The following SLC35D1 variants were observed in gnomAD, a reference collection of about 807,000 sequenced individuals.
SLC35D1 encodes nucleotide sugar transporter SLC35D1.
SLC35D1 carries 31 observed loss-of-function variants against 46.7 expected under a neutral mutation model. That is an observed-to-expected ratio of 0.66 (90% confidence interval 0.50 to 0.90). The LOEUF (loss-of-function observed/expected upper bound fraction) is 0.90. SLC35D1 is among the 40% of genes least tolerant of loss of function. The pLI, the probability that SLC35D1 is intolerant of heterozygous loss-of-function variation, is 0.00. For synonymous variants in SLC35D1, 195 were observed against 164.6 expected (o/e 1.18, Z -1.41); for missense variants, 397 against 426.2 (o/e 0.93, Z 0.60).
downstream of SLC35D1, among the ~76,000 whole-genome samples, chr1:66,997,515 A>T (rs1349124504): frequency 3.6e-5 from 1 of 28,060 alleles, no homozygotes; most frequent in Non-Finnish European, 9.1e-5. Flanking sequence ...AAAAAAAAAA[A>T]AAAAATATAT....
At chr1:66,974,239 A>G in the SLC35D1 span, among the ~76,000 whole-genome samples, 1 of 152,150 alleles carries the variant, frequency 6.6e-6, no homozygotes, top group South Asian at 2.1e-4. Flanking sequence ...AGGATAACTT[A>G]GAAGACAATG....
the SLC35D1 span, chr1:66,984,578 C>A: frequency 1.3e-6 from 2 of 1,584,608 alleles, no homozygotes; most frequent in South Asian, 2.3e-5. Flanking sequence ...TTAGGAGTGT[C>A]ATCTAATGGA....
chr1:67,020,286 A>C, intron 10 of SLC35D1, 83 bp downstream of exon 10: 1 of 878,572 alleles, frequency 1.1e-6, no homozygotes, highest in African/African-American at 1.6e-5. Context: ...TTTGGGTCTT[A>C]AGGCCATCAA....
At chr1:67,044,385 A>G (rs376123795) in intron 7 of SLC35D1, among the ~76,000 whole-genome samples, 1 of 152,132 alleles carries the variant, frequency 6.6e-6, no homozygotes. Context: ...TGATTAGACT[A>G]TAACTAGCTA....
intron 10 of SLC35D1, among the ~76,000 whole-genome samples, chr1:67,018,911 T>C (rs1199774979): frequency 6.6e-6 from 1 of 152,214 alleles, no homozygotes; most frequent in Non-Finnish European, 1.5e-5. Context: ...AGTGATACCC[T>C]GCACCAGTAT....
At chr1:67,014,672 T>TTG (rs1553265048) in intron 10 of SLC35D1, among the ~76,000 whole-genome samples, 1 of 142,600 alleles carries the variant, frequency 7.0e-6, no homozygotes. Context: ...AATTTTTAGT[T>TTG]TTTTTTTTTT....
chr1:66,982,327 T>C, the SLC35D1 span, among the ~76,000 whole-genome samples: 2 of 152,192 alleles, frequency 1.3e-5, no homozygotes, highest in Admixed American at 1.3e-4. Context: ...GTTTTGAATA[T>C]TTAAGTTCTC....
chr1:66,995,428 T>C (rs1667227995), downstream of SLC35D1, among the ~76,000 whole-genome samples: 1 of 75,746 alleles, frequency 1.3e-5, no homozygotes, highest in South Asian at 5.7e-4. Flanking sequence ...TCTGCCCTGC[T>C]ACGCTAAAAA....
chr1:67,049,096 C>A (rs937553830), intron 6 of SLC35D1, among the ~76,000 whole-genome samples: 5 of 152,112 alleles, frequency 3.3e-5, no homozygotes, highest in Admixed American at 6.5e-5. Flanking sequence ...AGATCGAGAC[C>A]ATCCTGGCTA....
At chr1:67,038,120 T>C (rs527696269) in intron 8 of SLC35D1, among the ~76,000 whole-genome samples, 65 of 152,214 alleles carry the variant, frequency 4.3e-4, no homozygotes, top group Admixed American at 2.4e-3. Flanking sequence ...GAATAATTGA[T>C]CCAACCCACC....
At chr1:67,013,151 CCT>C (rs1667601263) in intron 10 of SLC35D1, among the ~76,000 whole-genome samples, 1 of 5,678 alleles carries the variant, frequency 1.8e-4, no homozygotes, top group African/African-American at 1.7e-3. Flanking sequence ...GAACATATAT[CCT>C]GGAGATATAT....
chr1:67,035,326 G>A (rs932946131), intron 8 of SLC35D1, among the ~76,000 whole-genome samples: 3 of 152,066 alleles, frequency 2.0e-5, no homozygotes, highest in Non-Finnish European at 4.4e-5. Flanking sequence ...CCATATCCAG[G>A]CTTTCCTTTG....
intron 10 of SLC35D1, among the ~76,000 whole-genome samples, chr1:67,013,084 TAA>T (rs900163032): frequency 6.9e-6 from 1 of 145,840 alleles, no homozygotes; most frequent in Non-Finnish European, 1.5e-5. Flanking sequence ...GCTCTGTGGT[TAA>T]AAGTCAGCTT....
chr1:67,050,288 T>C, intron 5 of SLC35D1, 145 bp downstream of exon 5: 3 of 652,078 alleles, frequency 4.6e-6, no homozygotes, highest in Non-Finnish European at 8.2e-6. Context: ...TCCCACAAAC[T>C]ATCAATTCCA....
chr1:67,014,681 T>TTG, intron 10 of SLC35D1, among the ~76,000 whole-genome samples: 1 of 145,898 alleles, frequency 6.9e-6, no homozygotes, highest in South Asian at 2.2e-4. Flanking sequence ...TTTTTTTTTT[T>TTG]TTTTTTTTTT....
At chr1:66,982,879 A>ATG in the SLC35D1 span, among the ~76,000 whole-genome samples, 7 of 152,204 alleles carry the variant, frequency 4.6e-5, no homozygotes, top group Admixed American at 4.6e-4. Flanking sequence ...TATTGACTTG[A>ATG]TGTCTAATGT....
chr1:66,974,538 A>T, the SLC35D1 span, among the ~76,000 whole-genome samples: 3 of 152,074 alleles, frequency 2.0e-5, no homozygotes, highest in African/African-American at 4.8e-5. Context: ...ATGATAGCTT[A>T]TGTAACAAGC....
chr1:67,021,745 A>ACACACC (rs1444716877), intron 8 of SLC35D1, 143 bp from the exon 9 acceptor site: 1 of 714,052 alleles, frequency 1.4e-6, no homozygotes, highest in Non-Finnish European at 2.5e-6. Context: ...ACACACACAC[A>ACACACC]CACACACACA....
chr1:66,981,003 C>A, the SLC35D1 span, among the ~76,000 whole-genome samples: 11,140 of 152,102 alleles, frequency 0.073, 498 homozygotes, highest in African/African-American at 0.12. Flanking sequence ...CTATAGTTGG[C>A]TGACTTTTAT....
Sources: allele counts gnomAD v4.1 joint callset (sites outside exome capture counted in the v4.1 genomes callset), GRCh38; gene constraint gnomAD v4.1.1; transcripts MANE v1.5; gene names NCBI Gene and HGNC (gene_info 2026-07-23, HGNC 2026-07-21).